Variants in TMEM131L observed in about 807,000 individuals in gnomAD.
TMEM131L encodes transmembrane protein 131-like.
A neutral mutation model predicts 192.2 loss-of-function variants in TMEM131L; 54 were observed. The observed-to-expected ratio is 0.28, with a 90% CI of 0.23 to 0.35. The LOEUF (loss-of-function observed/expected upper bound fraction) is 0.35. Among genes scored for constraint, TMEM131L ranks in the 10% least tolerant of loss-of-function variants. The pLI is 1.00. For synonymous variants in TMEM131L, 701 were observed against 704.9 expected, an observed-to-expected ratio of 0.99 and a Z score of 0.09; for missense variants, 1,888 against 1,972.9, an observed-to-expected ratio of 0.96 and a Z score of 0.82.
chr4:153,535,409 C>T (rs1240776967), intron 3 of TMEM131L, among the ~76,000 whole-genome samples: 1 of 152,002 alleles, frequency 6.6e-6, no homozygotes, highest in Non-Finnish European at 1.5e-5. Context: ...TGTTTACAGC[C>T]TTCACGTTGG....
At chr4:153,570,447 G>T (rs1329464800) in intron 7 of TMEM131L, among the ~76,000 whole-genome samples, 3 of 152,114 alleles carry the variant, frequency 2.0e-5, no homozygotes, top group Admixed American at 6.5e-5. Context: ...GGCTAATCTG[G>T]GTACTTTGGG....
At chr4:153,571,693 G>A in intron 7 of TMEM131L, among the ~76,000 whole-genome samples, 1 of 152,166 alleles carries the variant, frequency 6.6e-6, no homozygotes. Flanking sequence ...CTGAGTAGCT[G>A]GGACTACAGG....
At chr4:153,477,043 G>A (rs562884574) in intron 3 of TMEM131L, among the ~76,000 whole-genome samples, 2 of 152,162 alleles carry the variant, frequency 1.3e-5, no homozygotes, top group Admixed American at 1.3e-4. Flanking sequence ...CAGGGTAGGG[G>A]GTTGAAAGTG....
chr4:153,619,880 T>C (rs1270245966), intron 26 of TMEM131L, among the ~76,000 whole-genome samples: 10 of 152,184 alleles, frequency 6.6e-5, no homozygotes. Context: ...AATTTGCCTC[T>C]GTGAGGTGCC....
chr4:153,565,749 C>T (rs1729146278), intron 7 of TMEM131L, among the ~76,000 whole-genome samples: 1 of 152,164 alleles, frequency 6.6e-6, no homozygotes, highest in African/African-American at 2.4e-5. Context: ...CGTATATTAA[C>T]ATAGTAGAAT....
intron 17 of TMEM131L, 84 bp from the exon 18 acceptor site, chr4:153,592,391 T>A: frequency 1.2e-6 from 1 of 839,836 alleles, no homozygotes; most frequent in Non-Finnish European, 2.1e-6. Context: ...TTCCTCATGA[T>A]TAGGTTATGC....
At chr4:153,573,724 ACTT>A (rs1377716863) in intron 7 of TMEM131L, among the ~76,000 whole-genome samples, 2 of 152,122 alleles carry the variant, frequency 1.3e-5, no homozygotes, top group East Asian at 3.8e-4. Flanking sequence ...AGTAAATGAC[ACTT>A]CTTTTTTTCT....
At chr4:153,469,371 A>G (rs961861896) in intron 2 of TMEM131L, among the ~76,000 whole-genome samples, 1 of 150,868 alleles carries the variant, frequency 6.6e-6, no homozygotes, top group African/African-American at 2.5e-5. Context: ...ATATCTCATA[A>G]GCTACAGAGA....
At chr4:153,491,959 C>T (rs1268890919) in intron 3 of TMEM131L, among the ~76,000 whole-genome samples, 2 of 152,070 alleles carry the variant, frequency 1.3e-5, no homozygotes, top group Non-Finnish European at 2.9e-5. Context: ...ACCCACTCCC[C>T]AAAGTGTTGG....
At chr4:153,603,715 C>A in intron 24 of TMEM131L, 87 bp from the exon 25 acceptor site, 4 of 1,395,764 alleles carry the variant, frequency 2.9e-6, no homozygotes, top group Non-Finnish European at 3.9e-6. Context: ...GTACTGATTG[C>A]TACCCTTTTC....
chr4:153,581,387 C>A lies in TMEM131L; in HGVS notation c.739-20C>A. 1 of 1,491,854 alleles carries A rather than the reference C, an allele frequency of 6.7e-7. No homozygotes were observed. The highest frequency in any genetic ancestry group is 2.4e-5 in the East Asian group (1 of 41,770). The allele number at this position is 1,491,854 out of a possible 1,614,324, so 92.4% of individuals were successfully genotyped here. A position where few individuals can be genotyped will look rare whatever the true frequency, so the allele number is the denominator to read the frequency against. On this transcript the variant is annotated intron_variant, in intron 8 of 34. Coordinates refer to ENST00000409959, the MANE Select transcript of TMEM131L (RefSeq NM_001131007.2). ...GAGATGATTTTTTTTTTCCTTTTTTCCTCCTCCTTCCAACCATAGGGTTGT... is the reference window on the plus strand; with the variant it reads ...GAGATGATTTTTTTTTTCCTTTTTTACTCCTCCTTCCAACCATAGGGTTGT...
In TMEM131L at chr4:153,584,924, G is replaced by C. The variant is rs1250099315; in HGVS notation, c.1150G>C (p.Ala384Pro). 1 of 1,612,212 alleles carries C rather than the reference G, an allele frequency of 6.2e-7. No homozygotes were observed. Among genetic ancestry groups the C allele is most frequent in the Non-Finnish European group, 8.5e-7 (1 of 1,178,460 alleles). Residue 384 changes from alanine to proline, a missense_variant, in exon 12 of 35, where the codon GCT becomes CCT. By Grantham distance (27) the Ala-to-Pro change is conservative. Coordinates refer to ENST00000409959, the MANE Select transcript of TMEM131L (RefSeq NM_001131007.2). Reference sequence around the variant, plus strand: ...AAAAGCATGCCTCTTCTCTTCTGTGGCTCAGGGGTAGGTTACTTCCACTTT... The same window carrying C: ...AAAAGCATGCCTCTTCTCTTCTGTGCCTCAGGGGTAGGTTACTTCCACTTT... ...TLKACLFSSV[A>P]QGYFRMDSSA...
chr4:153,584,052 A>G (rs1038654095), intron 11 of TMEM131L, among the ~76,000 whole-genome samples: 1 of 152,232 alleles, frequency 6.6e-6, no homozygotes, highest in African/African-American at 2.4e-5. Context: ...TTAAGAGTTT[A>G]TCCTCCAGAT....
intron 21 of TMEM131L, 48 bp downstream of exon 21, chr4:153,598,780 C>T: frequency 7.0e-7 from 1 of 1,428,018 alleles, no homozygotes. Flanking sequence ...GGCATTAAAG[C>T]TGAGAGTGAA....
intron 3 of TMEM131L, among the ~76,000 whole-genome samples, chr4:153,499,627 A>G (rs1250515882): frequency 3.3e-5 from 5 of 152,062 alleles, no homozygotes; most frequent in Non-Finnish European, 7.4e-5. Flanking sequence ...GGATTTCACC[A>G]TGTTGGCCAG....
intron 7 of TMEM131L, among the ~76,000 whole-genome samples, chr4:153,562,359 A>G (rs1172952091): frequency 2.0e-5 from 3 of 152,202 alleles, no homozygotes; most frequent in Admixed American, 2.0e-4. Flanking sequence ...AAGGCTTGCT[A>G]TACCTAAAAA....
At chr4:153,484,916 G>A (rs1313551005) in intron 3 of TMEM131L, among the ~76,000 whole-genome samples, 4 of 145,948 alleles carry the variant, frequency 2.7e-5, no homozygotes, top group African/African-American at 1.0e-4. Flanking sequence ...TCAGGAGATC[G>A]AGACCATCCT....
At chr4:153,575,637 GA>G in intron 7 of TMEM131L, among the ~76,000 whole-genome samples, 1 of 152,132 alleles carries the variant, frequency 6.6e-6, no homozygotes, top group Middle Eastern at 3.4e-3. Context: ...GAAATAATAT[GA>G]AATATATAAA....
In TMEM131L at chr4:153,585,538, A is replaced by G; in HGVS notation, c.1238A>G (p.Tyr413Cys). 6.2e-7 allele frequency: 1 copy of G among 1,613,862 alleles called. No homozygotes were observed. The highest frequency in any genetic ancestry group is 8.5e-7 in the Non-Finnish European group (1 of 1,179,742). ...ENTSGLWSIWYRNHFDRSVVL... is the reference protein window; with the variant it reads ...ENTSGLWSIWCRNHFDRSVVL... Reference sequence around the variant, plus strand: ...ACATCAGGACTTTGGTCAATATGGTACCGCAACCATTTTGACCGTAGTGTT... The same window carrying G: ...ACATCAGGACTTTGGTCAATATGGTGCCGCAACCATTTTGACCGTAGTGTT... Residue 413 changes from tyrosine (Y) to cysteine (C), a missense_variant, in exon 13 of 35, where the codon TAC becomes TGC. Physicochemically the swap from Tyr to Cys is radical, Grantham distance 194. Transcript: ENST00000409959.
Sources: allele counts gnomAD v4.1 joint callset (sites outside exome capture counted in the v4.1 genomes callset), GRCh38; gene constraint gnomAD v4.1.1; transcripts MANE v1.5; gene names NCBI Gene and HGNC (gene_info 2026-07-23, HGNC 2026-07-21).